GRXCR1: variants seen among roughly 807,000 people sequenced by gnomAD.
GRXCR1 encodes glutaredoxin and cysteine rich domain containing 1, also known as glutaredoxin domain-containing cysteine-rich protein 1.
In GRXCR1, 27 loss-of-function variants were observed where a neutral mutation model predicts 27.3. The observed-to-expected ratio is 0.99, with a 90% confidence interval of 0.73 to 1.37. The LOEUF (loss-of-function observed/expected upper bound fraction) is 1.37, where lower values mean the gene tolerates loss of function less well. Ranked by LOEUF, GRXCR1 falls within the 40% of genes most tolerant of loss-of-function variation. The probability of loss-of-function intolerance (pLI) is 0.00; values close to 1 mark genes in which losing one functional copy is unlikely to be tolerated. For missense variants in GRXCR1, 379 were observed against 354.4 expected, an observed-to-expected ratio of 1.07 and a Z score of -0.56; for synonymous variants, 122 against 131.1, an observed-to-expected ratio of 0.93 and a Z score of 0.47.
intron 1 of GRXCR1, among the ~76,000 whole-genome samples, chr4:42,941,837 C>A (rs1747630993): frequency 6.6e-6 from 1 of 151,680 alleles, no homozygotes; most frequent in Non-Finnish European, 1.5e-5. Context: ...CAAAATTATC[C>A]CCACTATTGA....
intron 1 of GRXCR1, among the ~76,000 whole-genome samples, chr4:42,897,428 T>G (rs996341002): frequency 2.6e-5 from 4 of 152,038 alleles, no homozygotes; most frequent in African/African-American, 9.7e-5. Flanking sequence ...GATAAATAGG[T>G]GCAAAGAAGG....
chr4:42,940,880 TTAAA>T lies in GRXCR1; in HGVS notation c.385-22008_385-22005del, dbSNP rs143488374. The stretch of plus-strand genomic sequence containing the variant: ...TTACTACTTTTAGTGGAATAGAACA[TTAAA>T]TAATGTTGCCATATAAAATATTTTC... On this transcript the variant is annotated intron_variant, in intron 1 of 3. Coordinates refer to ENST00000399770, the MANE Select transcript of GRXCR1 (RefSeq NM_001080476.3). 6.1e-4 allele frequency among the ~76,000 whole-genome samples: 93 copies of T among 152,196 alleles called. No homozygotes were observed. The East Asian group carries it at 0.017, about 28-fold the overall frequency.
At chr4:43,020,581 G>A (rs1333879499) in intron 3 of GRXCR1, among the ~76,000 whole-genome samples, 162 bp downstream of exon 3, 1 of 152,168 alleles carries the variant, frequency 6.6e-6, no homozygotes, top group African/African-American at 2.4e-5. Context: ...TATTAGGTTT[G>A]TTGCAGCTAG....
chr4:42,992,569 G>A (rs1376404874), intron 2 of GRXCR1, among the ~76,000 whole-genome samples: 1 of 152,108 alleles, frequency 6.6e-6, no homozygotes, highest in Non-Finnish European at 1.5e-5. Context: ...GTGGAAAAGA[G>A]TGATAATCAG....
intron 1 of GRXCR1, among the ~76,000 whole-genome samples, chr4:42,935,047 A>T (rs1012694001): frequency 6.6e-6 from 1 of 151,956 alleles, no homozygotes; most frequent in Non-Finnish European, 1.5e-5. Context: ...GAATAACCAG[A>T]TTATTTTGGA....
At position 42,893,658 on chromosome 4, in the gene GRXCR1, A is replaced by G. The variant is rs1746285015; in HGVS notation, c.384+8A>G. ...TTGACCAAAGTATTACAGGTAAGTC[A>G]TTGCTGTTTCCTTCTCCTGCTCTTT... On this transcript the variant is annotated splice_region_variant and intron_variant, in intron 1 of 3. Coordinates refer to ENST00000399770, the MANE Select transcript of GRXCR1 (RefSeq NM_001080476.3). 3 of 1,611,538 alleles carry G rather than the reference A, an allele frequency of 1.9e-6. No individual in the cohort carries two copies. The highest frequency in any genetic ancestry group is 2.5e-6 in the Non-Finnish European group (3 of 1,179,086).
intron 1 of GRXCR1, among the ~76,000 whole-genome samples, chr4:42,901,543 C>T (rs10005697): frequency 0.95 from 144,584 of 152,250 alleles, 68,697 homozygotes; most frequent in East Asian, 1. Flanking sequence ...TTCATGATTA[C>T]GTTGGGCCTA....
chr4:42,986,326 G>C (rs1378247094), intron 2 of GRXCR1, among the ~76,000 whole-genome samples: 2 of 152,204 alleles, frequency 1.3e-5, no homozygotes, highest in Admixed American at 6.5e-5. Context: ...GGCTCATTGT[G>C]AGCTTTTTCT....
intron 1 of GRXCR1, among the ~76,000 whole-genome samples, chr4:42,911,661 C>T (rs1577902238): frequency 1.3e-5 from 2 of 152,054 alleles, no homozygotes; most frequent in East Asian, 3.9e-4. Context: ...AAAGAAAAAT[C>T]CCTAGGCTCA....
chr4:42,963,020 A>G lies in GRXCR1; in HGVS notation c.513A>G (p.Glu171=), dbSNP rs1212237275. 2 of 1,612,776 alleles carry G rather than the reference A, an allele frequency of 1.2e-6. No individual in the cohort carries two copies. Among genetic ancestry groups the G allele is most frequent in the Middle Eastern group, 1.6e-4 (1 of 6,076 alleles). The change falls in exon 2 of 4, where the codon GAA becomes GAG. Residue 171 remains glutamate, a synonymous_variant. Coordinates refer to ENST00000399770, the MANE Select transcript of GRXCR1 (RefSeq NM_001080476.3). ...KIFQNHRVKF[E]EKNIALNGEY... ...TCCAAAACCATCGCGTAAAATTTGA[A>G]GAGAAAAACATAGCCCTGAATGGTG...
chr4:42,928,269 C>T (rs1747218003), intron 1 of GRXCR1, among the ~76,000 whole-genome samples: 1 of 151,930 alleles, frequency 6.6e-6, no homozygotes, highest in African/African-American at 2.4e-5. Flanking sequence ...ATTAAAATCA[C>T]TCTGATAATA....
rs970792156 is a variant in GRXCR1, at chr4:42,996,606, GT to G, written c.628-23738del. Among the ~76,000 whole-genome samples the G allele has an allele frequency of 2.3e-4, 34 of 148,782 alleles. No individual in the cohort carries two copies. The East Asian group carries it at 2.9e-3, about 13-fold the overall frequency. On this transcript the variant is annotated intron_variant, in intron 2 of 3. Transcript: ENST00000399770. ...AAACAACAGCTTTGTCTGTGGTCAA[GT>G]TTTTTTTTTCAAATAGTCTATTCCA...
At chr4:43,001,101 A>ATT (rs112275383) in intron 2 of GRXCR1, among the ~76,000 whole-genome samples, 4 of 133,886 alleles carry the variant, frequency 3.0e-5, no homozygotes, top group Non-Finnish European at 4.9e-5. Context: ...TAATTTTTGT[A>ATT]TTTTTTTTTT....
Position 42,921,546 on chromosome 4 carries a change from C to T in GRXCR1, c.384+27896C>T, listed in dbSNP as rs140229065. On this transcript the variant is annotated intron_variant, in intron 1 of 3. Coordinates refer to ENST00000399770, the MANE Select transcript of GRXCR1 (RefSeq NM_001080476.3). ...TTCATGGGCAGAGTATGGGGTACAC[C>T]GTGTACTATGTATATATAGATATAC... Among the ~76,000 whole-genome samples, 248 of 151,920 alleles carry T rather than the reference C, an allele frequency of 1.6e-3. 2 individuals carry two copies. Among genetic ancestry groups the T allele is most frequent in the African/African-American group, 5.7e-3 (238 of 41,440 alleles).
chr4:43,019,230 T>C (rs1713026220), intron 2 of GRXCR1, among the ~76,000 whole-genome samples: 1 of 152,218 alleles, frequency 6.6e-6, no homozygotes, highest in African/African-American at 2.4e-5. Context: ...TATTCATTAT[T>C]CATTTGGCAC....
chr4:43,019,074 C>A (rs567411882), intron 2 of GRXCR1, among the ~76,000 whole-genome samples: 1 of 152,106 alleles, frequency 6.6e-6, no homozygotes, highest in Admixed American at 6.5e-5. Context: ...AGTAAATACT[C>A]CTATACTATA....
chr4:42,917,791 G>A (rs957277261), intron 1 of GRXCR1, among the ~76,000 whole-genome samples: 7 of 152,104 alleles, frequency 4.6e-5, no homozygotes, highest in Non-Finnish European at 1.0e-4. Flanking sequence ...GACTATTAGA[G>A]GACAAGATAA....
intron 1 of GRXCR1, among the ~76,000 whole-genome samples, chr4:42,920,144 G>A (rs997839264): frequency 4.6e-5 from 7 of 152,206 alleles, no homozygotes; most frequent in African/African-American, 1.7e-4. Flanking sequence ...TTTATTGAAG[G>A]ACAATAGACA....
At chr4:42,969,214 T>C (rs1748322968) in intron 2 of GRXCR1, among the ~76,000 whole-genome samples, 1 of 152,190 alleles carries the variant, frequency 6.6e-6, no homozygotes, top group Non-Finnish European at 1.5e-5. Flanking sequence ...TGTTCTGTTT[T>C]AAACCATGTG....
Sources: gnomAD v4.1 joint callset for allele counts (sites outside exome capture counted in the v4.1 genomes callset) on GRCh38, gnomAD v4.1.1 for gene constraint, MANE v1.5 for transcripts, NCBI Gene and HGNC (gene_info 2026-07-23, HGNC 2026-07-21) for gene names.